Variants in KPNA7 observed in about 807,000 individuals in gnomAD.
The protein encoded by KPNA7 is importin subunit alpha-8.
Under a neutral mutation model 53.7 loss-of-function variants are expected in KPNA7, and 54 were observed. The observed-to-expected ratio is 1.01, with a 90% CI of 0.81 to 1.26. The LOEUF (loss-of-function observed/expected upper bound fraction) is 1.26. KPNA7 is among the 50% of genes most tolerant of loss of function. The probability of loss-of-function intolerance (pLI) is 0.00; values close to 1 mark genes in which losing one functional copy is unlikely to be tolerated. For synonymous variants in KPNA7, 276 were observed against 259.3 expected (o/e 1.06, Z -0.62); for missense variants, 640 against 644.5 (o/e 0.99, Z 0.07).
chr7:99,165,027 G>A, the KPNA7 span, among the ~76,000 whole-genome samples: 2 of 152,292 alleles, frequency 1.3e-5, no homozygotes, highest in Middle Eastern at 3.4e-3. Context: ...TGTAATCCCA[G>A]CTACTCAGGA....
the KPNA7 span, among the ~76,000 whole-genome samples, chr7:99,164,103 G>A: frequency 0.68 from 98,663 of 145,954 alleles, 34,209 homozygotes; most frequent in East Asian, 0.9. Context: ...ATCTAGAACT[G>A]GAAATACCAT....
chr7:99,208,697 G>A (rs530656452), upstream of KPNA7, among the ~76,000 whole-genome samples: 5 of 152,288 alleles, frequency 3.3e-5, no homozygotes, highest in South Asian at 1.0e-3. Context: ...TGAACCTGAA[G>A]TCAGCTTCTA....
At chr7:99,163,257 C>A in the KPNA7 span, among the ~76,000 whole-genome samples, 1 of 147,300 alleles carries the variant, frequency 6.8e-6, no homozygotes, top group Admixed American at 6.9e-5. Flanking sequence ...AGTCATAGGA[C>A]CATTTTTTCA....
At chr7:99,150,338 T>A in the KPNA7 span, among the ~76,000 whole-genome samples, 2 of 151,198 alleles carry the variant, frequency 1.3e-5, no homozygotes, top group Non-Finnish European at 2.9e-5. Context: ...TCAAGTGATC[T>A]CCCCACCTGG....
At chr7:99,177,113 A>G (rs755094016) in intron 10 of KPNA7, among the ~76,000 whole-genome samples, 42 of 152,312 alleles carry the variant, frequency 2.8e-4, no homozygotes, top group African/African-American at 8.9e-4. Context: ...AAGAGGAAAT[A>G]TATCAGTCAC....
At chr7:99,149,586 T>C in the KPNA7 span, among the ~76,000 whole-genome samples, 2 of 152,218 alleles carry the variant, frequency 1.3e-5, no homozygotes, top group South Asian at 2.1e-4. Context: ...GTGAAGCTTC[T>C]TATCCTGAGA....
At chr7:99,162,843 G>C in the KPNA7 span, among the ~76,000 whole-genome samples, 3 of 151,948 alleles carry the variant, frequency 2.0e-5, no homozygotes, top group Admixed American at 6.6e-5. Context: ...AATGCTTTAA[G>C]ATGTTGAAAA....
At chr7:99,165,302 TA>T in the KPNA7 span, among the ~76,000 whole-genome samples, 98,198 of 144,986 alleles carry the variant, frequency 0.68, 33,699 homozygotes, top group East Asian at 0.89. Context: ...CTTGCCTTTT[TA>T]AAAAAAAAAA....
intron 9 of KPNA7, among the ~76,000 whole-genome samples, chr7:99,181,506 T>G (rs34723720): frequency 6.6e-6 from 1 of 152,214 alleles, no homozygotes; most frequent in East Asian, 1.9e-4. Flanking sequence ...ACAGGACACA[T>G]GGACAGAGGA....
At chr7:99,159,415 G>A in the KPNA7 span, among the ~76,000 whole-genome samples, 1 of 150,444 alleles carries the variant, frequency 6.6e-6, no homozygotes, top group East Asian at 2.0e-4. Flanking sequence ...GCAGGGGGCA[G>A]TTGGTCAGCT....
At chr7:99,146,177 GTTC>G in the KPNA7 span, among the ~76,000 whole-genome samples, 4 of 152,144 alleles carry the variant, frequency 2.6e-5, no homozygotes, top group African/African-American at 9.7e-5. Flanking sequence ...GCAGGCTCCT[GTTC>G]TTATCCCCAG....
At chr7:99,149,124 A>G in the KPNA7 span, among the ~76,000 whole-genome samples, 1 of 151,828 alleles carries the variant, frequency 6.6e-6, no homozygotes, top group African/African-American at 2.4e-5. Flanking sequence ...ACTGGTCTCG[A>G]ACTCCTGACC....
chr7:99,162,037 A>ATTTTTTT, the KPNA7 span, among the ~76,000 whole-genome samples: 11 of 106,908 alleles, frequency 1.0e-4, no homozygotes, highest in Admixed American at 2.1e-4. Flanking sequence ...CAAGATTGCA[A>ATTTTTTT]TTTTTTTTTT....
chr7:99,189,057 G>A (rs374910549), intron 6 of KPNA7, among the ~76,000 whole-genome samples: 8 of 152,284 alleles, frequency 5.3e-5, no homozygotes, highest in South Asian at 2.1e-4. Flanking sequence ...AACGAGGTTC[G>A]TATTTCACAT....
the KPNA7 span, among the ~76,000 whole-genome samples, chr7:99,166,692 T>C: frequency 6.6e-5 from 10 of 152,176 alleles, no homozygotes; most frequent in Non-Finnish European, 1.5e-4. Flanking sequence ...TAATCTTGGC[T>C]GACTGCAAGG....
At chr7:99,180,529 C>CCG (rs1437845461) in intron 9 of KPNA7, among the ~76,000 whole-genome samples, 17 of 92,550 alleles carry the variant, frequency 1.8e-4, no homozygotes, top group South Asian at 7.2e-4. Context: ...GTCTCTATCT[C>CCG]TCTGTCTCCG....
At chr7:99,208,294 C>G (rs1313111130), upstream of KPNA7, among the ~76,000 whole-genome samples, 1 of 151,990 alleles carries the variant, frequency 6.6e-6, no homozygotes, top group African/African-American at 2.4e-5. Context: ...CTCACTCTGT[C>G]ACCCAGGCTG....
chr7:99,163,352 A>AGTGTGTGT, the KPNA7 span, among the ~76,000 whole-genome samples: 173 of 101,276 alleles, frequency 1.7e-3, 4 homozygotes, highest in African/African-American at 6.2e-3. Flanking sequence ...TATAAATATG[A>AGTGTGTGT]GTGTGTGTAT....
the KPNA7 span, among the ~76,000 whole-genome samples, chr7:99,157,514 TTTC>T: frequency 1.3e-5 from 2 of 152,196 alleles, no homozygotes; most frequent in East Asian, 1.9e-4. Flanking sequence ...CAGCCCCGAT[TTTC>T]TTCTTGTGTC....
Sources: allele counts gnomAD v4.1 joint callset (sites outside exome capture counted in the v4.1 genomes callset), GRCh38; gene constraint gnomAD v4.1.1; transcripts MANE v1.5; gene names NCBI Gene and HGNC (gene_info 2026-07-23, HGNC 2026-07-21).